The following WASHC5 variants were observed in gnomAD, a reference collection of about 807,000 sequenced individuals.
WASHC5 encodes the protein WASH complex subunit 5, also known as WASH complex subunit strumpellin.
A neutral mutation model predicts 150.4 loss-of-function variants in WASHC5; 101 were observed. The observed-to-expected ratio is 0.67, with a 90% CI of 0.57 to 0.79. The LOEUF is 0.79. Ranked by LOEUF, WASHC5 falls within the 30% of genes least tolerant of loss-of-function variation. The pLI, the probability that WASHC5 is intolerant of heterozygous loss-of-function variation, is 0.00. For missense variants in WASHC5, 1,195 were observed against 1,396.3 expected, an observed-to-expected ratio of 0.86 and a Z score of 2.30; for synonymous variants, 467 against 491.2, an observed-to-expected ratio of 0.95 and a Z score of 0.65.
intron 23 of WASHC5, chr8:125,040,704 T>A (rs2385001): frequency 2.0e-5 from 3 of 152,396 alleles, no homozygotes; most frequent in African/African-American, 7.2e-5. Flanking sequence ...CCTGTTGCCA[T>A]GTGAAGAAGG....
chr8:125,056,066 C>T (rs4421365), intron 16 of WASHC5, among the ~76,000 whole-genome samples: 16,613 of 152,202 alleles, frequency 0.11, 2,125 homozygotes, highest in African/African-American at 0.31. Flanking sequence ...GCTAGCTATA[C>T]TGTTGAATCA....
intron 28 of WASHC5, among the ~76,000 whole-genome samples, chr8:125,027,658 TG>T (rs1815412108): frequency 6.6e-6 from 1 of 152,194 alleles, no homozygotes; most frequent in Non-Finnish European, 1.5e-5. Flanking sequence ...ACTACAAATA[TG>T]GTGCAGTGTA....
At chr8:125,087,744 A>AG (rs1168731786) in intron 1 of WASHC5, among the ~76,000 whole-genome samples, 1 of 152,070 alleles carries the variant, frequency 6.6e-6, no homozygotes, top group Admixed American at 6.6e-5. Flanking sequence ...AAAAAAAAAA[A>AG]AAAAAAATTT....
At chr8:125,046,688 G>A (rs965169526) in intron 20 of WASHC5, among the ~76,000 whole-genome samples, 4 of 152,154 alleles carry the variant, frequency 2.6e-5, no homozygotes, top group Non-Finnish European at 5.9e-5. Context: ...TGTGTATAAT[G>A]TGCTGAGAAG....
In WASHC5 at chr8:125,082,469, T is replaced by C. The variant is rs1438925928; in HGVS notation, c.333-2A>G. 1 of 1,496,602 alleles carries C rather than the reference T, an allele frequency of 6.7e-7. No individual in the cohort carries two copies. The highest frequency in any genetic ancestry group is 9.3e-7 in the Non-Finnish European group (1 of 1,073,754). The allele number at this position is 1,496,602 out of a possible 1,614,324, so 92.7% of individuals were successfully genotyped here. A position where few individuals can be genotyped will look rare whatever the true frequency, so the allele number is the denominator to read the frequency against. On this transcript the variant is annotated splice_acceptor_variant, in intron 3 of 28. Transcript: ENST00000318410. LOFTEE classifies it high-confidence loss of function. The stretch of plus-strand genomic sequence containing the variant: ...CCTTCATTGAGATCATCTAGATATC[T>C]AGAAATAAAACCACAGTGCAAGTTA...
At chr8:125,079,243 G>C (rs897621559) in intron 5 of WASHC5, among the ~76,000 whole-genome samples, 6 of 131,704 alleles carry the variant, frequency 4.6e-5, no homozygotes, top group Non-Finnish European at 9.3e-5. Flanking sequence ...CCAGGCTGGA[G>C]TGCAGTGGCG....
intron 6 of WASHC5, among the ~76,000 whole-genome samples, chr8:125,077,547 T>TAA (rs1346249420): frequency 1.3e-5 from 2 of 152,066 alleles, no homozygotes; most frequent in Non-Finnish European, 2.9e-5. Context: ...CTTGTGCTAA[T>TAA]AAAGATCATG....
intron 17 of WASHC5, among the ~76,000 whole-genome samples, chr8:125,053,092 G>A (rs1421213339): frequency 6.7e-6 from 1 of 148,788 alleles, no homozygotes; most frequent in Non-Finnish European, 1.5e-5. Context: ...AGTTTGAGAC[G>A]ACCTGTATTT....
chr8:125,040,323 T>C (rs1380262823), intron 23 of WASHC5, among the ~76,000 whole-genome samples: 2 of 152,234 alleles, frequency 1.3e-5, no homozygotes, highest in Non-Finnish European at 2.9e-5. Flanking sequence ...GAATGCCATT[T>C]CACACTAGTA....
intron 26 of WASHC5, chr8:125,032,651 C>T (rs1335015755): frequency 4.0e-6 from 2 of 496,264 alleles, no homozygotes; most frequent in East Asian, 7.6e-5. Context: ...TTTTGAATTA[C>T]TCAATTAACA....
intron 11 of WASHC5, among the ~76,000 whole-genome samples, chr8:125,062,937 G>C (rs1443001839): frequency 1.3e-5 from 2 of 152,152 alleles, no homozygotes; most frequent in East Asian, 3.9e-4. Flanking sequence ...AAATTTCCTA[G>C]AAGAAGTAGG....
chr8:125,073,249 C>T lies in WASHC5; in HGVS notation c.1054G>A (p.Glu352Lys). The change falls in exon 9 of 29, where the codon GAG becomes AAG. Residue 352 changes from glutamate to lysine, a missense_variant. By Grantham distance (56) the Glu-to-Lys change is moderately conservative (BLOSUM62 1). Transcript: ENST00000318410. ...GGGATATTGTCCAGAACCATCTCCT[C>T]CCTTAAATAACCTTCTTTTAGAAAT... ...QQFLKEGYLREEMVLDNIPKL... is the reference protein window; with the variant it reads ...QQFLKEGYLRKEMVLDNIPKL... The T allele has an allele frequency of 1.2e-6, 2 of 1,614,044 alleles. No individual in the cohort carries two copies. Among genetic ancestry groups the T allele is most frequent in the Non-Finnish European group, 1.7e-6 (2 of 1,179,922 alleles).
rs527699356 is a variant in WASHC5, at chr8:125,089,958, A to G, written c.-125+1657T>C. Reference sequence around the variant, plus strand: ...TATTAAATTTTTAATGCAAAAGCATATGAGTTATATTTAATATACTTTTAC... The same window carrying G: ...TATTAAATTTTTAATGCAAAAGCATGTGAGTTATATTTAATATACTTTTAC... On this transcript the variant is annotated intron_variant, in intron 1 of 28. Transcript: ENST00000318410. Among the ~76,000 whole-genome samples the G allele has an allele frequency of 1.2e-4, 18 of 152,358 alleles. No homozygotes were observed. In the South Asian group the frequency reaches 3.7e-3, roughly 32 times the overall value.
chr8:125,027,715 A>G (rs138922449), intron 28 of WASHC5, among the ~76,000 whole-genome samples: 4,486 of 152,336 alleles, frequency 0.029, 128 homozygotes, highest in South Asian at 0.16. Flanking sequence ...AATCACCACT[A>G]AAGAACTTAC....
intron 17 of WASHC5, among the ~76,000 whole-genome samples, chr8:125,050,950 A>G (rs1465947965): frequency 6.6e-6 from 1 of 152,228 alleles, no homozygotes; most frequent in East Asian, 1.9e-4. Context: ...AAATGGCCTC[A>G]CATTCTAATT....
chr8:125,048,909 A>G, intron 19 of WASHC5, 97 bp downstream of exon 19: 1 of 988,580 alleles, frequency 1.0e-6, no homozygotes, highest in Non-Finnish European at 1.5e-6. Context: ...GAGACTATCT[A>G]GTAAACTTTC....
intron 16 of WASHC5, 121 bp downstream of exon 16, chr8:125,056,556 T>C (rs1816411575): frequency 8.8e-6 from 10 of 1,130,152 alleles, no homozygotes; most frequent in Non-Finnish European, 1.2e-5. Context: ...ATTGCAAATG[T>C]GAGACAACAA....
intron 1 of WASHC5, among the ~76,000 whole-genome samples, chr8:125,089,251 AC>A (rs952617693): frequency 1.3e-5 from 2 of 152,184 alleles, no homozygotes; most frequent in African/African-American, 2.4e-5. Context: ...CCCTCTGAAG[AC>A]CACCAAACTA....
chr8:125,062,976 TTG>T (rs1385962101), intron 11 of WASHC5, among the ~76,000 whole-genome samples: 1 of 152,308 alleles, frequency 6.6e-6, no homozygotes, highest in Middle Eastern at 3.4e-3. Flanking sequence ...AAATTTTAGT[TTG>T]TGTTTTTTCA....
Sources: gnomAD v4.1 joint callset for allele counts (sites outside exome capture counted in the v4.1 genomes callset) on GRCh38, gnomAD v4.1.1 for gene constraint, MANE v1.5 for transcripts, NCBI Gene and HGNC (gene_info 2026-07-23, HGNC 2026-07-21) for gene names.